The following HGD variants were observed in gnomAD, a reference collection of about 807,000 sequenced individuals.
HGD encodes the protein homogentisate 1,2-dioxygenase.
Under a neutral mutation model 60.8 loss-of-function variants are expected in HGD, and 61 were observed. That is an observed-to-expected ratio of 1.00 (90% CI 0.82 to 1.24). The LOEUF is 1.24. Among genes scored for constraint, HGD ranks in the 50% most tolerant of loss-of-function variants. The probability of loss-of-function intolerance (pLI) is 0.00; values close to 1 mark genes in which losing one functional copy is unlikely to be tolerated. For missense variants in HGD, 542 were observed against 547.1 expected (o/e 0.99, Z 0.09); for synonymous variants, 212 against 187.7 (o/e 1.13, Z -1.06).
At chr3:120,629,481 G>C (rs768702317) in intron 13 of HGD, among the ~76,000 whole-genome samples, 7 of 152,170 alleles carry the variant, frequency 4.6e-5, no homozygotes, top group Non-Finnish European at 5.9e-5. Flanking sequence ...CCTGTGACAG[G>C]CTTGATGGGA....
At chr3:120,641,568 C>T (rs1940980889) in intron 11 of HGD, 21 bp downstream of exon 11, 3 of 1,515,066 alleles carry the variant, frequency 2.0e-6, no homozygotes, top group Admixed American at 1.7e-5. Context: ...ATCCCAAGGC[C>T]CCTACAGGGT....
rs150201206 is a variant in HGD, at chr3:120,675,608, A to G, written c.87+184T>C. 7.1e-4 allele frequency among the ~76,000 whole-genome samples: 108 copies of G among 152,248 alleles called. 1 individual carries two copies. The East Asian group carries it at 0.015, about 21-fold the overall frequency. ...AGTTTGGATTGGCTGCTGTGCCACC[A>G]ATCCAATTTTAATCTTTGTGTTGTC... On this transcript the variant is annotated intron_variant, in intron 2 of 13. Transcript: ENST00000283871.
chr3:120,647,760 A>C lies in HGD; in HGVS notation c.469+117T>G, dbSNP rs1348096318. The C allele has an allele frequency of 4.4e-6, 4 of 900,316 alleles. No homozygotes were observed. The Admixed American group carries it at 6.9e-5, about 15-fold the overall frequency. The allele number at this position is 900,316 out of a possible 1,614,324, so 55.8% of individuals were successfully genotyped here. A position where few individuals can be genotyped will look rare whatever the true frequency, so the allele number is the denominator to read the frequency against. On this transcript the variant is annotated intron_variant, in intron 7 of 13. Transcript: ENST00000283871. ...CTCTAGACCTCAGTCTCTGGATTGC[A>C]CTAAATGAAATAAGACAGATTGGAG...
chr3:120,681,844 A>G (rs1708235956), intron 1 of HGD, among the ~76,000 whole-genome samples: 1 of 152,208 alleles, frequency 6.6e-6, no homozygotes. Context: ...ATGTCTACAG[A>G]TTTCCAAGAC....
At chr3:120,635,416 GCAGTGAGCCAAGATGGCGCCACTGCACTC>G (rs1178174410) in intron 12 of HGD, among the ~76,000 whole-genome samples, 3 of 145,122 alleles carry the variant, frequency 2.1e-5, no homozygotes, top group African/African-American at 7.7e-5. Context: ...GGCAGAGCTT[GCAGTGAGCCAAGATGGCGCCACTGCACTC>G]CAGCCTGGGA....
intron 4 of HGD, among the ~76,000 whole-genome samples, chr3:120,657,943 C>G (rs145756258): frequency 0.024 from 3,662 of 152,208 alleles, 131 homozygotes; most frequent in African/African-American, 0.084. Flanking sequence ...ACAGTACCAA[C>G]AGGGATGGTG....
chr3:120,644,534 G>A (rs1941099546), intron 9 of HGD, 91 bp from the exon 10 acceptor site: 4 of 1,597,700 alleles, frequency 2.5e-6, no homozygotes, highest in African/African-American at 1.3e-5. Flanking sequence ...TTTCTTTCAT[G>A]TCAAGAGCTA....
At chr3:120,650,658 C>G (rs1941309260) in intron 6 of HGD, 116 bp downstream of exon 6, 1 of 794,516 alleles carries the variant, frequency 1.3e-6, no homozygotes, top group Admixed American at 1.7e-5. Context: ...AAACCAATAA[C>G]AAAAACAACT....
intron 11 of HGD, among the ~76,000 whole-genome samples, chr3:120,641,200 C>T (rs1325294659): frequency 1.3e-5 from 2 of 152,154 alleles, no homozygotes; most frequent in African/African-American, 2.4e-5. Context: ...AGAGGAGGCT[C>T]TTGAGAGTTG....
chr3:120,648,040 A>C, intron 6 of HGD, 129 bp from the exon 7 acceptor site: 1 of 781,356 alleles, frequency 1.3e-6, no homozygotes. Flanking sequence ...GGGGAGCAAA[A>C]TGACCCAGGC....
chr3:120,680,342 T>C (rs1708209667), intron 1 of HGD, among the ~76,000 whole-genome samples: 1 of 152,220 alleles, frequency 6.6e-6, no homozygotes, highest in South Asian at 2.1e-4. Flanking sequence ...TGATGCAATC[T>C]GGTTTTCTGT....
In HGD at chr3:120,674,148, T is replaced by C. The variant is rs142484361; in HGVS notation, c.176+753A>G. Among the ~76,000 whole-genome samples the C allele has an allele frequency of 4.3e-3, 662 of 152,320 alleles. 6 individuals carry two copies. The highest frequency in any genetic ancestry group is 0.015 in the African/African-American group (633 of 41,578). ...GACCACATGCCCTTCTCCCCGAGTC[T>C]CTAATACCAGCAGCATTCCTCTTCA... On this transcript the variant is annotated intron_variant, in intron 3 of 13. Transcript: ENST00000283871.
intron 4 of HGD, among the ~76,000 whole-genome samples, chr3:120,654,301 A>G (rs1478875455): frequency 6.6e-6 from 1 of 152,132 alleles, no homozygotes; most frequent in African/African-American, 2.4e-5. Context: ...GAGATTCTCA[A>G]TCCTGGCCAC....
In HGD at chr3:120,630,620, C is replaced by A. The variant is rs570536493; in HGVS notation, c.1189-2091G>T. On this transcript the variant is annotated intron_variant, in intron 13 of 13. Transcript: ENST00000283871. ...GCTTCCATACACCATATAGAAAAAC[C>A]AACTCATGATGGATTAAGGACTTAA... Among the ~76,000 whole-genome samples, 8 of 151,636 alleles carry A rather than the reference C, an allele frequency of 5.3e-5. No homozygotes were observed. The South Asian group carries it at 1.7e-3, about 32-fold the overall frequency.
chr3:120,652,282 C>T (rs1207046007), intron 5 of HGD, among the ~76,000 whole-genome samples: 3 of 151,992 alleles, frequency 2.0e-5, no homozygotes, highest in Non-Finnish European at 4.4e-5. Context: ...AGACATCAGA[C>T]ATCAAAGTGA....
At chr3:120,669,316 T>C (rs1488198811) in intron 4 of HGD, among the ~76,000 whole-genome samples, 1 of 151,980 alleles carries the variant, frequency 6.6e-6, no homozygotes, top group African/African-American at 2.4e-5. Context: ...CTATAAAATA[T>C]AAAATATTTT....
chr3:120,633,272 C>G lies in HGD; in HGVS notation c.1063G>C (p.Gly355Arg). ...LIRGHYEAKQ[G>R]GFLPGGGSLH... Reference sequence around the variant, plus strand: ...CTCCCTCCCCCTGGCAGGAACCCACCTTGCTTTGCCTCATAGTGACCTCGG... The same window carrying G: ...CTCCCTCCCCCTGGCAGGAACCCACGTTGCTTTGCCTCATAGTGACCTCGG... Residue 355 changes from glycine (G) to arginine (R), a missense_variant, in exon 13 of 14, where the codon GGT becomes CGT. By Grantham distance (125) the Gly-to-Arg change is moderately radical. Transcript: ENST00000283871. The G allele has an allele frequency of 3.1e-6, 5 of 1,614,074 alleles. No homozygotes were observed. The African/African-American group carries it at 6.7e-5, about 22-fold the overall frequency.
At position 120,670,524 on chromosome 3, in the gene HGD, T is replaced by C. The variant is rs1174584850; in HGVS notation, c.185A>G (p.Tyr62Cys). 3 of 1,578,400 alleles carry C rather than the reference T, an allele frequency of 1.9e-6. No individual in the cohort carries two copies. The highest frequency in any genetic ancestry group is 4.5e-5 in the East Asian group (2 of 44,742). ...PRSTNKRSWL[Y>C]RILPSVSHKP... ...GTGAGAAACTGAAGGTAGAATCCTA[T>C]ACAGCCAGCTAGAGGGAAAAACATA... The change falls in exon 4 of 14, where the codon TAT (tyrosine) becomes TGT (cysteine). Residue 62 changes from tyrosine to cysteine, a missense_variant. Around this residue, in one of 2 missense-constraint regions of HGD, gnomAD observed 537 missense variants for 529.1 expected, o/e 1.01. Transcript: ENST00000283871.
At chr3:120,681,160 A>G (rs1708223474) in intron 1 of HGD, among the ~76,000 whole-genome samples, 1 of 152,230 alleles carries the variant, frequency 6.6e-6, no homozygotes, top group African/African-American at 2.4e-5. Flanking sequence ...CAAACTCAGC[A>G]TCAGTTAGAG....
Sources: allele counts gnomAD v4.1 joint callset (sites outside exome capture counted in the v4.1 genomes callset), GRCh38; gene constraint gnomAD v4.1.1; regional missense constraint gnomAD v4.1.1; transcripts MANE v1.5; gene names NCBI Gene and HGNC (gene_info 2026-07-23, HGNC 2026-07-21).